Variants in ANKRD44 observed in about 807,000 individuals in gnomAD.
The protein encoded by ANKRD44 is serine/threonine-protein phosphatase 6 regulatory ankyrin repeat subunit B.
ANKRD44 carries 35 observed loss-of-function variants against 116.0 expected under a neutral mutation model. The observed-to-expected ratio is 0.30, with a 90% CI of 0.23 to 0.40. The LOEUF (loss-of-function observed/expected upper bound fraction) is 0.40, where lower values mean the gene tolerates loss of function less well. ANKRD44 is among the 10% of genes least tolerant of loss of function. The pLI is 1.00. For synonymous variants in ANKRD44, 435 were observed against 461.8 expected (o/e 0.94, Z 0.74); for missense variants, 1,014 against 1,242.6 (o/e 0.82, Z 2.77).
chr2:196,987,153 G>T lies in ANKRD44; in HGVS notation c.*2438C>A, dbSNP rs2093582824. Reference sequence around the variant, plus strand: ...ACTCAGATTGTCACTATCTTAAAATGCTTTTCCCCTATAATACTGACCTAT... The same window carrying T: ...ACTCAGATTGTCACTATCTTAAAATTCTTTTCCCCTATAATACTGACCTAT... On this transcript the variant is annotated 3_prime_UTR_variant, in exon 28 of 28. Transcript: ENST00000282272. 2 of 985,024 alleles carry T rather than the reference G, an allele frequency of 2.0e-6. No homozygotes were observed. Among genetic ancestry groups the T allele is most frequent in the South Asian group, 4.7e-5 (1 of 21,280 alleles). 61.0% of individuals were successfully genotyped at this position (985,024 alleles called of 1,614,324 possible). A position where few individuals can be genotyped will look rare whatever the true frequency, so the allele number is the denominator to read the frequency against.
intron 10 of ANKRD44, among the ~76,000 whole-genome samples, chr2:197,094,399 C>T (rs577970759): frequency 4.4e-4 from 67 of 152,300 alleles, no homozygotes; most frequent in Middle Eastern, 3.4e-3. Flanking sequence ...TGGAGCATCA[C>T]GCACATGGAA....
chr2:197,222,495 A>C (rs2081607300), intron 1 of ANKRD44, among the ~76,000 whole-genome samples: 1 of 152,190 alleles, frequency 6.6e-6, no homozygotes, highest in South Asian at 2.1e-4. Context: ...TTCTTCTGGA[A>C]GATTGAGACC....
intron 6 of ANKRD44, among the ~76,000 whole-genome samples, chr2:197,123,730 G>T (rs1233792473): frequency 6.6e-6 from 1 of 152,128 alleles, no homozygotes; most frequent in Non-Finnish European, 1.5e-5. Context: ...TCTAAATATG[G>T]CTGAAAATTG....
At chr2:197,106,497 A>G (rs78553308) in intron 9 of ANKRD44, among the ~76,000 whole-genome samples, 1,544 of 151,042 alleles carry the variant, frequency 0.01, 30 homozygotes, top group African/African-American at 0.034. Context: ...CATTTAAAAT[A>G]TATTTCAGGA....
intron 1 of ANKRD44, among the ~76,000 whole-genome samples, chr2:197,242,485 C>T (rs1405391300): frequency 6.6e-6 from 1 of 152,208 alleles, no homozygotes; most frequent in Admixed American, 6.5e-5. Flanking sequence ...CAAAGTCCAT[C>T]TCCAGCCAAC....
At chr2:197,198,265 C>T (rs2125648094) in intron 1 of ANKRD44, among the ~76,000 whole-genome samples, 1 of 152,212 alleles carries the variant, frequency 6.6e-6, no homozygotes, top group African/African-American at 2.4e-5. Context: ...AATTTGAGCT[C>T]TCTTCTGTGG....
chr2:196,990,681 C>A, intron 27 of ANKRD44: 1 of 1,232,170 alleles, frequency 8.1e-7, no homozygotes, highest in South Asian at 4.1e-5. Context: ...AGTCCAAAGT[C>A]AAAACGTTTC....
At chr2:197,133,410 C>CT (rs1375895482) in intron 4 of ANKRD44, among the ~76,000 whole-genome samples, 1 of 152,212 alleles carries the variant, frequency 6.6e-6, no homozygotes, top group African/African-American at 2.4e-5. Context: ...CACAGCAGCC[C>CT]TACACACTTG....
intron 16 of ANKRD44, among the ~76,000 whole-genome samples, chr2:197,026,344 A>C (rs2076594723): frequency 6.6e-6 from 1 of 152,236 alleles, no homozygotes; most frequent in Admixed American, 6.5e-5. Context: ...AGGAAGGTTC[A>C]AAGAACTCGA....
intron 21 of ANKRD44, among the ~76,000 whole-genome samples, chr2:196,972,785 GC>G (rs2075724698): frequency 2.0e-5 from 3 of 152,216 alleles, no homozygotes; most frequent in Admixed American, 1.3e-4. Context: ...ATATCACCTT[GC>G]TTATTTCTCT....
rs755360048 is a variant in ANKRD44 at position 196,989,544 on chromosome 2, G to A, written c.*47C>T. 8.5e-5 allele frequency: 130 copies of A among 1,534,230 alleles called. No homozygotes were observed. Among genetic ancestry groups the A allele is most frequent in the South Asian group, 8.3e-4 (69 of 83,178 alleles). On this transcript the variant is annotated 3_prime_UTR_variant, in exon 28 of 28. Transcript: ENST00000282272. ...CACACATATATATATATATACACAC[G>A]CACACATATATGTGTGCATGTGTAT...
intron 1 of ANKRD44, among the ~76,000 whole-genome samples, chr2:197,194,872 A>G (rs879402165): frequency 2.6e-5 from 4 of 152,248 alleles, no homozygotes; most frequent in Non-Finnish European, 5.9e-5. Context: ...AGTTATAAAG[A>G]TGAAGAAGGT....
intron 18 of ANKRD44, among the ~76,000 whole-genome samples, chr2:197,009,902 TCTCCCCACTAGTCAG>T (rs1014115539): frequency 3.3e-5 from 5 of 152,160 alleles, no homozygotes; most frequent in African/African-American, 1.2e-4. Flanking sequence ...ACTAATAATC[TCTCCCCACTAGTCAG>T]CTCCCCTTTT....
At chr2:197,154,074 A>G (rs2079735696) in intron 2 of ANKRD44, among the ~76,000 whole-genome samples, 1 of 152,184 alleles carries the variant, frequency 6.6e-6, no homozygotes, top group Non-Finnish European at 1.5e-5. Context: ...TCCCTAAATA[A>G]CTTCCAAAGT....
intron 26 of ANKRD44, 55 bp downstream of exon 26, chr2:196,995,324 T>C (rs748932522): frequency 2.6e-5 from 34 of 1,311,900 alleles, no homozygotes; most frequent in Middle Eastern, 1.8e-4. Context: ...TTAATACTTA[T>C]TGAATAAATG....
At chr2:197,081,505 C>T (rs902868460) in intron 15 of ANKRD44, 140 bp downstream of exon 15, 8 of 709,756 alleles carry the variant, frequency 1.1e-5, no homozygotes, top group Non-Finnish European at 1.5e-5. Flanking sequence ...TAGTTTCTTC[C>T]CCATTAAAGG....
Position 197,005,794 on chromosome 2 carries a change from G to T in ANKRD44, c.2247C>A (p.Ala749=), listed in dbSNP as rs1433048145. 2 of 1,614,282 alleles carry T rather than the reference G, an allele frequency of 1.2e-6. No individual in the cohort carries two copies. Among genetic ancestry groups the T allele is most frequent in the Admixed American group, 3.3e-5 (2 of 60,038 alleles). ...PLHYAAARGH[A]TWLSELLQMA... is the part of the protein sequence containing the mutation. The stretch of plus-strand genomic sequence containing the variant: ...TTTGGAGCAGCTCGCTCAGCCACGT[G>T]GCGTGGCCACGAGCAGCTGCATAGT... Residue 749 remains alanine, a synonymous_variant, in exon 21 of 28, where the codon GCC becomes GCA. Transcript: ENST00000282272.
At chr2:197,168,349 C>G (rs1397257179) in intron 2 of ANKRD44, among the ~76,000 whole-genome samples, 1 of 152,174 alleles carries the variant, frequency 6.6e-6, no homozygotes, top group Admixed American at 6.5e-5. Context: ...TTCTGAAGTG[C>G]TCTCTGAATT....
intron 1 of ANKRD44, among the ~76,000 whole-genome samples, chr2:197,191,815 CAAAA>C (rs1007508815): frequency 1.4e-4 from 21 of 152,102 alleles, no homozygotes; most frequent in African/African-American, 5.1e-4. Flanking sequence ...AACAAACAAA[CAAAA>C]AAACACCAAA....
Sources: gnomAD v4.1 joint callset for allele counts (sites outside exome capture counted in the v4.1 genomes callset) on GRCh38, gnomAD v4.1.1 for gene constraint, MANE v1.5 for transcripts, NCBI Gene and HGNC (gene_info 2026-07-23, HGNC 2026-07-21) for gene names.